CSMD1: variants seen among roughly 807,000 people sequenced by gnomAD.
CSMD1 encodes CUB and Sushi multiple domains 1.
In CSMD1, 213 loss-of-function variants were observed where a neutral mutation model predicts 417.5. The ratio of observed to expected loss-of-function variants is 0.51; its 90% CI spans 0.46 to 0.57. The LOEUF is 0.57. Ranked by LOEUF, CSMD1 falls within the 20% of genes least tolerant of loss-of-function variation. The pLI, the probability that CSMD1 is intolerant of heterozygous loss-of-function variation, is 0.00. For synonymous variants in CSMD1, 2,862 were observed against 1,736.8 expected, an observed-to-expected ratio of 1.65 and a Z score of -16.11; for missense variants, 6,923 against 4,529.7, an observed-to-expected ratio of 1.53 and a Z score of -15.17.
At chr8:4,325,790 GC>G (rs1563057436) in intron 3 of CSMD1, among the ~76,000 whole-genome samples, 4 of 151,954 alleles carry the variant, frequency 2.6e-5, no homozygotes, top group African/African-American at 9.7e-5. Context: ...TTAAATGCTG[GC>G]CCATTTAAAA....
intron 1 of CSMD1, among the ~76,000 whole-genome samples, chr8:4,801,450 G>A (rs1255345253): frequency 2.1e-5 from 3 of 141,948 alleles, no homozygotes; most frequent in Non-Finnish European, 4.6e-5. Context: ...GGACTTGACA[G>A]CCTCAGATGG....
intron 5 of CSMD1, among the ~76,000 whole-genome samples, chr8:3,937,008 G>T (rs927252343): frequency 1.3e-5 from 2 of 152,164 alleles, no homozygotes; most frequent in Admixed American, 1.3e-4. Context: ...ACTTTGTTGG[G>T]TTAAAGGTTT....
intron 5 of CSMD1, among the ~76,000 whole-genome samples, chr8:3,755,877 A>G (rs1797627194): frequency 6.6e-6 from 1 of 152,082 alleles, no homozygotes; most frequent in Admixed American, 6.5e-5. Context: ...CTGGCTGGTG[A>G]CAGCTGGACA....
chr8:4,298,797 T>C (rs1293089582), intron 3 of CSMD1, among the ~76,000 whole-genome samples: 1 of 152,062 alleles, frequency 6.6e-6, no homozygotes, highest in East Asian at 1.9e-4. Context: ...AAGAATGTGT[T>C]TGTAAAATAC....
intron 20 of CSMD1, among the ~76,000 whole-genome samples, chr8:3,365,714 T>C (rs1464569225): frequency 6.6e-6 from 1 of 152,226 alleles, no homozygotes; most frequent in Admixed American, 6.5e-5. Context: ...CAGTAGGCTA[T>C]TAGTAGTTAA....
At chr8:4,652,302 A>G (rs900027337) in intron 1 of CSMD1, among the ~76,000 whole-genome samples, 1 of 152,184 alleles carries the variant, frequency 6.6e-6, no homozygotes, top group Non-Finnish European at 1.5e-5. Flanking sequence ...AACTGTGAAG[A>G]GACATTTGAC....
intron 2 of CSMD1, among the ~76,000 whole-genome samples, chr8:4,435,959 T>C (rs988083246): frequency 6.6e-6 from 1 of 152,154 alleles, no homozygotes; most frequent in Non-Finnish European, 1.5e-5. Context: ...AGCCTTTACA[T>C]CCACACATCA....
At chr8:3,306,134 C>T (rs530824359) in intron 25 of CSMD1, among the ~76,000 whole-genome samples, 2 of 152,088 alleles carry the variant, frequency 1.3e-5, no homozygotes, top group Non-Finnish European at 2.9e-5. Flanking sequence ...TCCACTTCAT[C>T]CCATTTTATT....
rs574538552 is a variant in CSMD1, at chr8:3,705,999, T to G, written c.1009+2415A>C. Among the ~76,000 whole-genome samples the G allele has an allele frequency of 1.5e-3, 231 of 152,310 alleles. 2 individuals are homozygous for G. Among genetic ancestry groups the G allele is most frequent in the African/African-American group, 5.3e-3 (222 of 41,566 alleles). Reference sequence around the variant, plus strand: ...ACTTTCATACTCAGTCTCCTACAGATGGTAAAGGATTCATGAGGTGCTGAA... The same window carrying G: ...ACTTTCATACTCAGTCTCCTACAGAGGGTAAAGGATTCATGAGGTGCTGAA... On this transcript the variant is annotated intron_variant, in intron 7 of 69. Transcript: ENST00000635120.
intron 5 of CSMD1, among the ~76,000 whole-genome samples, chr8:3,960,404 G>C (rs552130134): frequency 2.0e-5 from 3 of 152,250 alleles, no homozygotes; most frequent in African/African-American, 7.2e-5. Flanking sequence ...CTATGCACCA[G>C]ACAGAAGACT....
At chr8:4,165,347 C>T (rs532674512) in intron 3 of CSMD1, among the ~76,000 whole-genome samples, 3 of 152,234 alleles carry the variant, frequency 2.0e-5, no homozygotes, top group Non-Finnish European at 4.4e-5. Flanking sequence ...TGGTGTCCCA[C>T]AAATTCCTTA....
At chr8:3,561,362 G>C (rs1799459214) in intron 10 of CSMD1, among the ~76,000 whole-genome samples, 1 of 152,180 alleles carries the variant, frequency 6.6e-6, no homozygotes, top group African/African-American at 2.4e-5. Flanking sequence ...ATTCACAATA[G>C]CAAAGTCATA....
intron 3 of CSMD1, among the ~76,000 whole-genome samples, chr8:4,397,803 C>A (rs1804358057): frequency 6.6e-6 from 1 of 152,004 alleles, no homozygotes; most frequent in Non-Finnish European, 1.5e-5. Flanking sequence ...ATATTACATG[C>A]TAATTATACA....
chr8:3,846,095 T>A (rs1330298152), intron 5 of CSMD1, among the ~76,000 whole-genome samples: 1 of 152,106 alleles, frequency 6.6e-6, no homozygotes, highest in Non-Finnish European at 1.5e-5. Flanking sequence ...TAGACTTCTA[T>A]AATAAAAAGT....
chr8:4,623,765 G>A (rs992736195), intron 2 of CSMD1, among the ~76,000 whole-genome samples: 1 of 151,844 alleles, frequency 6.6e-6, no homozygotes, highest in Non-Finnish European at 1.5e-5. Context: ...CATATAATTT[G>A]GCATATATAA....
In CSMD1 at chr8:3,000,128, C is replaced by A; in HGVS notation, c.8033G>T (p.Gly2678Val). 1 of 1,534,154 alleles carries A rather than the reference C, an allele frequency of 6.5e-7. No individual in the cohort carries two copies. Among genetic ancestry groups the A allele is most frequent in the Non-Finnish European group, 8.8e-7 (1 of 1,137,296 alleles). ...AATCGGGTCTGGGGAACCGCAGTGG[C>A]CAGCTAAAAATGTTAAACCAATTTT... Reference protein sequence around the residue: ...WSGSETRCLAGHCGSPDPIVN... With the variant: ...WSGSETRCLAVHCGSPDPIVN... Residue 2678 changes from glycine (G) to valine (V), a missense_variant, in exon 53 of 70, where the codon GGC becomes GTC. Gly to Val is a moderately radical substitution (Grantham distance 109, BLOSUM62 -3). Transcript: ENST00000635120.
intron 5 of CSMD1, among the ~76,000 whole-genome samples, chr8:3,918,932 G>C (rs1001875841): frequency 7.7e-6 from 1 of 130,088 alleles, no homozygotes; most frequent in Non-Finnish European, 1.7e-5. Flanking sequence ...TTCAGTGTGG[G>C]CTGCTCGGGT....
At chr8:4,765,732 G>C (rs182750663) in intron 1 of CSMD1, among the ~76,000 whole-genome samples, 1 of 152,164 alleles carries the variant, frequency 6.6e-6, no homozygotes, top group Non-Finnish European at 1.5e-5. Flanking sequence ...ATCAAGAGGA[G>C]GAATTTTAGT....
intron 5 of CSMD1, among the ~76,000 whole-genome samples, chr8:3,776,963 CTGGGCCTCCCATAGTGCTGGGATTACA>C: frequency 6.6e-6 from 1 of 152,030 alleles, no homozygotes; most frequent in East Asian, 1.9e-4. Context: ...ATTCTCCTAC[CTGGGCCTCCCATAGTGCTGGGATTACA>C]TGCATGACCC....
Sources: gnomAD v4.1 joint callset for allele counts (sites outside exome capture counted in the v4.1 genomes callset) on GRCh38, gnomAD v4.1.1 for gene constraint, MANE v1.5 for transcripts, NCBI Gene and HGNC (gene_info 2026-07-23, HGNC 2026-07-21) for gene names.